Variants in CUX1 observed in about 807,000 individuals in gnomAD.
CUX1 encodes the protein cut like homeobox 1.
A neutral mutation model predicts 158.8 loss-of-function variants in CUX1; 31 were observed. That is an observed-to-expected ratio of 0.20 (90% CI 0.15 to 0.26). CUX1 has a LOEUF of 0.26. Among genes scored for constraint, CUX1 ranks in the 10% least tolerant of loss-of-function variants. The probability of loss-of-function intolerance (pLI) is 1.00; values close to 1 mark genes in which losing one functional copy is unlikely to be tolerated. For missense variants in CUX1, 1,589 were observed against 2,014.6 expected (o/e 0.79, Z 4.04); for synonymous variants, 879 against 862.1 (o/e 1.02, Z -0.34).
chr7:101,988,214 A>AG (rs1441289391), intron 2 of CUX1, among the ~76,000 whole-genome samples: 1 of 151,726 alleles, frequency 6.6e-6, no homozygotes, highest in Non-Finnish European at 1.5e-5. Flanking sequence ...CTGTTTCAAA[A>AG]AAAAAAAGAA....
chr7:102,282,827 AC>A, intron 22 of CUX1: 2 of 1,157,602 alleles, frequency 1.7e-6, no homozygotes, highest in African/African-American at 2.2e-5. Flanking sequence ...AGCTCCCAGC[AC>A]CCCCGCAACA....
intron 14 of CUX1, among the ~76,000 whole-genome samples, chr7:102,270,252 G>A (rs1554545994): frequency 1.3e-5 from 2 of 152,216 alleles, no homozygotes; most frequent in Non-Finnish European, 2.9e-5. Flanking sequence ...GCAGGGTGAG[G>A]CAGCCGGTGG....
intron 2 of CUX1, among the ~76,000 whole-genome samples, chr7:101,939,419 A>T (rs1056029499): frequency 6.6e-6 from 1 of 152,024 alleles, no homozygotes. Context: ...CAGGTCCAAC[A>T]TCCAGTCCCC....
upstream of CUX1, among the ~76,000 whole-genome samples, chr7:101,816,379 C>T (rs1158764769): frequency 7.0e-6 from 1 of 143,814 alleles, no homozygotes; most frequent in Admixed American, 6.8e-5. Context: ...GTGTCTGCCC[C>T]CACCCCGGGC....
At chr7:102,191,688 C>T (rs1794291034) in intron 12 of CUX1, among the ~76,000 whole-genome samples, 1 of 152,124 alleles carries the variant, frequency 6.6e-6, no homozygotes, top group Non-Finnish European at 1.5e-5. Flanking sequence ...GGGAGTTAGT[C>T]GTCGTCTTCA....
At chr7:102,146,497 C>T (rs546189528) in intron 8 of CUX1, among the ~76,000 whole-genome samples, 11 of 152,142 alleles carry the variant, frequency 7.2e-5, no homozygotes, top group Non-Finnish European at 1.5e-4. Context: ...CCCATGAACA[C>T]GTCAACTTGT....
intron 2 of CUX1, among the ~76,000 whole-genome samples, chr7:101,942,710 C>T (rs367923980): frequency 1.3e-5 from 2 of 152,162 alleles, no homozygotes; most frequent in Admixed American, 6.5e-5. Flanking sequence ...CAAGTGATCC[C>T]CCTGCGTCGA....
chr7:102,278,628 T>TTAAAATAAAATAAAATAAAA (rs55743678), intron 18 of CUX1, among the ~76,000 whole-genome samples: 1 of 101,682 alleles, frequency 9.8e-6, no homozygotes, highest in African/African-American at 3.7e-5. Flanking sequence ...TAAAATAAAA[T>TTAAAATAAAATAAAATAAAA]TAAAATAAAA....
At chr7:101,840,692 T>C (rs1304938015) in intron 1 of CUX1, among the ~76,000 whole-genome samples, 1 of 152,146 alleles carries the variant, frequency 6.6e-6, no homozygotes, top group Non-Finnish European at 1.5e-5. Context: ...GGAATTGAGG[T>C]TTACTAGTCT....
intron 7 of CUX1, among the ~76,000 whole-genome samples, chr7:102,112,794 C>A (rs1235142485): frequency 6.6e-6 from 1 of 152,050 alleles, no homozygotes; most frequent in Non-Finnish European, 1.5e-5. Flanking sequence ...CGGTCTGTAT[C>A]TCCTGAGCTC....
chr7:102,221,904 G>A (rs1797844398), intron 20 of CUX1, among the ~76,000 whole-genome samples: 2 of 152,040 alleles, frequency 1.3e-5, no homozygotes, highest in African/African-American at 2.4e-5. Context: ...CAGGGTCCTT[G>A]GAAGCGAGGT....
rs142055503 is a variant in CUX1 at position 102,120,318 on chromosome 7, C to G, written c.674+5045C>G. Among the ~76,000 whole-genome samples the G allele has an allele frequency of 3.1e-4, 47 of 152,348 alleles. 1 individual carries two copies. Among genetic ancestry groups the G allele is most frequent in the African/African-American group, 1.0e-3 (43 of 41,586 alleles). ...TTCCAGCTGCAATACACACAGTCAG[C>G]TTCTTGCATTCCTCCCCACTCGTGG... On this transcript the variant is annotated intron_variant, in intron 8 of 23. Transcript: ENST00000292535.
Position 102,248,912 on chromosome 7 carries a change from C to G in CUX1, c.4388C>G (p.Pro1463Arg). 9.0e-6 allele frequency: 13 copies of G among 1,450,546 alleles called. No individual in the cohort carries two copies. The highest frequency in any genetic ancestry group is 1.2e-5 in the Non-Finnish European group (13 of 1,096,756). 89.9% of individuals were successfully genotyped at this position (1,450,546 alleles called of 1,614,324 possible). ...PSSLQSLFGL[P>R]EAAGARDSRD... ...TCGCTGCAGAGCCTTTTCGGCCTCCCCGAGGCCGCGGGCGCCCGGGACTCG... is the reference window on the plus strand; with the variant it reads ...TCGCTGCAGAGCCTTTTCGGCCTCCGCGAGGCCGCGGGCGCCCGGGACTCG... The change falls in exon 24 of 24, where the codon CCC (proline) becomes CGC (arginine). Residue 1463 changes from proline (P) to arginine (R), a missense_variant. By Grantham distance (103) the Pro-to-Arg change is moderately radical. Coordinates refer to ENST00000292535, the MANE Select transcript of CUX1 (RefSeq NM_181552.4). This position sits in a 1 kb window ranked among gnomAD's most constrained non-coding sequence, Gnocchi z 5.8.
Position 101,817,750 on chromosome 7 carries a change from G to C in CUX1, c.30+81G>C. On this transcript the variant is annotated intron_variant, in intron 1 of 23. Transcript: ENST00000292535. This position sits in a 1 kb window ranked among gnomAD's most constrained non-coding sequence, Gnocchi z 4.1. Reference sequence around the variant, plus strand: ...ATGTCGGGGGGTGCCCGGGTCCCGCGGCTTAGAATGCTCTAGGGCGGCCTG... The same window carrying C: ...ATGTCGGGGGGTGCCCGGGTCCCGCCGCTTAGAATGCTCTAGGGCGGCCTG... The C allele has an allele frequency of 1.3e-6, 2 of 1,514,432 alleles. No individual in the cohort carries two copies. The highest frequency in any genetic ancestry group is 1.8e-6 in the Non-Finnish European group (2 of 1,124,574). 93.8% of individuals were successfully genotyped at this position (1,514,432 alleles called of 1,614,324 possible). A position where few individuals can be genotyped will look rare whatever the true frequency, so the allele number is the denominator to read the frequency against.
intron 1 of CUX1, among the ~76,000 whole-genome samples, chr7:101,862,391 G>T (rs1797548106): frequency 6.6e-6 from 1 of 152,136 alleles, no homozygotes; most frequent in Non-Finnish European, 1.5e-5. Context: ...ACGCTGTGCA[G>T]TTGGCTTTAC....
intron 21 of CUX1, chr7:102,281,999 G>T: frequency 9.8e-7 from 1 of 1,017,624 alleles, no homozygotes; most frequent in East Asian, 2.4e-5. Context: ...GGCCTGTTAC[G>T]GTGGCCTGGC....
intron 1 of CUX1, among the ~76,000 whole-genome samples, chr7:101,851,881 T>C (rs867794152): frequency 6.6e-6 from 1 of 151,414 alleles, no homozygotes; most frequent in Non-Finnish European, 1.5e-5. Flanking sequence ...CAGGCCAGAG[T>C]GTGGTGGCAC....
At position 102,098,365 on chromosome 7, in the gene CUX1, G is replaced by A. The variant is rs151182686; in HGVS notation, c.406+864G>A. On this transcript the variant is annotated intron_variant, in intron 5 of 23. Coordinates refer to ENST00000292535, the MANE Select transcript of CUX1 (RefSeq NM_181552.4). The stretch of plus-strand genomic sequence containing the variant: ...GGTGGTTCACACCTGTAATCCCAGC[G>A]CTTTGAGAGGCCAAGGTGGGAGGAC... Among the ~76,000 whole-genome samples the A allele has an allele frequency of 4.3e-3, 655 of 152,230 alleles. 3 individuals carry two copies. The highest frequency in any genetic ancestry group is 0.015 in the African/African-American group (635 of 41,538).
At chr7:102,212,566 A>G (rs1554523454) in intron 20 of CUX1, among the ~76,000 whole-genome samples, 1 of 152,164 alleles carries the variant, frequency 6.6e-6, no homozygotes. Flanking sequence ...AGTAAAATGC[A>G]CCATAGTTAC....
Sources: gnomAD v4.1 joint callset for allele counts (sites outside exome capture counted in the v4.1 genomes callset) on GRCh38, gnomAD v4.1.1 for gene constraint, Gnocchi (gnomAD v3.1) non-coding constraint, MANE v1.5 for transcripts, NCBI Gene and HGNC (gene_info 2026-07-23, HGNC 2026-07-21) for gene names.